Variants in DNAH6 observed in about 807,000 individuals in gnomAD.
The protein encoded by DNAH6 is dynein axonemal heavy chain 6.
In DNAH6, 340 loss-of-function variants were observed where a neutral mutation model predicts 491.4. The observed-to-expected ratio is 0.69, with a 90% CI of 0.63 to 0.76. DNAH6 has a LOEUF of 0.76. Ranked by LOEUF, DNAH6 falls within the 30% of genes least tolerant of loss-of-function variation. The pLI is 0.00. For synonymous variants in DNAH6, 1,603 were observed against 1,686.1 expected (o/e 0.95, Z 1.21); for missense variants, 4,443 against 4,972.2 (o/e 0.89, Z 3.20).
At chr2:84,599,452 A>T (rs1385526062) in intron 18 of DNAH6, among the ~76,000 whole-genome samples, 6 of 152,212 alleles carry the variant, frequency 3.9e-5, no homozygotes, top group South Asian at 2.1e-4. Context: ...TTAGAAGTTT[A>T]AAGGTTTTGT....
rs542988535 is a variant in DNAH6 at position 84,647,877 on chromosome 2, G to A, written c.5079-5442G>A. Among the ~76,000 whole-genome samples, 7 of 152,296 alleles carry A rather than the reference G, an allele frequency of 4.6e-5. No individual in the cohort carries two copies. The South Asian group carries it at 1.5e-3, about 32-fold the overall frequency. On this transcript the variant is annotated intron_variant, in intron 33 of 76. Transcript: ENST00000389394. ...ATAGTAGTTCTTGATCACTGAAAAT[G>A]TCAAATCCTAGAAAGCATAACATTC...
chr2:84,560,351 TA>T (rs771857568), intron 11 of DNAH6, among the ~76,000 whole-genome samples: 21 of 150,510 alleles, frequency 1.4e-4, no homozygotes, highest in Non-Finnish European at 2.2e-4. Flanking sequence ...GAGGAGCATT[TA>T]AAAAAAAACT....
At chr2:84,600,997 A>G (rs1685155434) in intron 18 of DNAH6, among the ~76,000 whole-genome samples, 1 of 147,266 alleles carries the variant, frequency 6.8e-6, no homozygotes, top group African/African-American at 2.5e-5. Flanking sequence ...TAATAATAAT[A>G]ATATACTATA....
chr2:84,709,301 G>A, intron 54 of DNAH6, 42 bp from the exon 55 acceptor site: 2 of 1,545,518 alleles, frequency 1.3e-6, no homozygotes, highest in Non-Finnish European at 1.8e-6. Flanking sequence ...CGTTTACTGA[G>A]TGTTCCTGAC....
chr2:84,635,871 C>T (rs114991172), intron 30 of DNAH6, among the ~76,000 whole-genome samples: 4,361 of 152,224 alleles, frequency 0.029, 227 homozygotes, highest in African/African-American at 0.099. Flanking sequence ...TGGCACATCA[C>T]CTTACTCCAT....
At chr2:84,479,306 G>A in the DNAH6 span, among the ~76,000 whole-genome samples, 21 of 152,148 alleles carry the variant, frequency 1.4e-4, no homozygotes, top group Admixed American at 9.8e-4. Flanking sequence ...GGCCCTTGCC[G>A]GGAACCTTTT....
At position 84,685,396 on chromosome 2, in the gene DNAH6, C is replaced by T. The variant is rs1558907540; in HGVS notation, c.6987C>T (p.Cys2329=). ...TATTTAGACTCTTTTGCCATGAGTGCCAAAGGGTCTTCCATGATCGCTTGA... is the reference window on the plus strand; with the variant it reads ...TATTTAGACTCTTTTGCCATGAGTGTCAAAGGGTCTTCCATGATCGCTTGA... ...IQIFRLFCHE[C]QRVFHDRLIN... The change falls in exon 43 of 77, where the codon TGC becomes TGT. Residue 2329 remains cysteine, a synonymous_variant. Transcript: ENST00000389394. The T allele has an allele frequency of 1.3e-6, 2 of 1,529,806 alleles. No homozygotes were observed. The highest frequency in any genetic ancestry group is 1.2e-5 in the South Asian group (1 of 80,146). The allele number at this position is 1,529,806 out of a possible 1,614,324, so 94.8% of individuals were successfully genotyped here.
At chr2:84,728,572 T>G (rs911311138) in intron 61 of DNAH6, among the ~76,000 whole-genome samples, 2 of 152,220 alleles carry the variant, frequency 1.3e-5, no homozygotes, top group Non-Finnish European at 2.9e-5. Context: ...CTGAACCTCT[T>G]ACAAATGTAA....
rs1337425175 is a variant in DNAH6 at position 84,577,337 on chromosome 2, G to A, written c.2005G>A (p.Val669Ile). Residue 669 changes from valine (V) to isoleucine (I), a missense_variant, in exon 13 of 77, where the codon GTA becomes ATA. By Grantham distance (29) the Val-to-Ile change is conservative (BLOSUM62 3). Around this residue, in one of 3 missense-constraint regions of DNAH6, gnomAD observed 2,977 missense variants for 3,296.6 expected, o/e 0.90. Coordinates refer to ENST00000389394, the MANE Select transcript of DNAH6 (RefSeq NM_001370.2). Reference sequence around the variant, plus strand: ...AGTAGCGCTCAGACCCACCAGAAATGTAGGATTGCTGCTCATTGATACTAG... The same window carrying A: ...AGTAGCGCTCAGACCCACCAGAAATATAGGATTGCTGCTCATTGATACTAG... ...DAVALRPTRN[V>I]GLLLIDTRLL... 1.4e-5 allele frequency: 23 copies of A among 1,612,302 alleles called. No individual in the cohort carries two copies. The highest frequency in any genetic ancestry group is 2.0e-5 in the Non-Finnish European group (23 of 1,179,102).
intron 66 of DNAH6, among the ~76,000 whole-genome samples, chr2:84,785,313 C>G (rs542802810): frequency 6.6e-6 from 1 of 152,306 alleles, no homozygotes; most frequent in Non-Finnish European, 1.5e-5. Context: ...TGAGGAAACC[C>G]TGAGCATGCT....
intron 46 of DNAH6, among the ~76,000 whole-genome samples, chr2:84,694,815 T>G (rs1695221825): frequency 6.6e-6 from 1 of 152,180 alleles, no homozygotes; most frequent in Non-Finnish European, 1.5e-5. Flanking sequence ...TAGGGAAACA[T>G]GACTTTACCT....
rs530413321 is a variant in DNAH6, at chr2:84,656,017, A to G, written c.5757+1235A>G. Among the ~76,000 whole-genome samples the G allele has an allele frequency of 4.6e-5, 7 of 152,146 alleles. No individual in the cohort carries two copies. The South Asian group carries it at 1.2e-3, about 27-fold the overall frequency. ...ATCTTTTTACTATCTCTGTAGTTCTACCTTTTCTAGAATGTTATACAGTTG... is the reference window on the plus strand; with the variant it reads ...ATCTTTTTACTATCTCTGTAGTTCTGCCTTTTCTAGAATGTTATACAGTTG... On this transcript the variant is annotated intron_variant, in intron 35 of 76. Coordinates refer to ENST00000389394, the MANE Select transcript of DNAH6 (RefSeq NM_001370.2).
At chr2:84,611,233 A>C (rs1175134770) in intron 21 of DNAH6, among the ~76,000 whole-genome samples, 2 of 143,676 alleles carry the variant, frequency 1.4e-5, no homozygotes, top group Non-Finnish European at 3.0e-5. Flanking sequence ...GGTTTTTTAA[A>C]AAAATTTTCT....
At chr2:84,648,753 C>T (rs993344638) in intron 33 of DNAH6, among the ~76,000 whole-genome samples, 1 of 152,140 alleles carries the variant, frequency 6.6e-6, no homozygotes, top group African/African-American at 2.4e-5. Context: ...GGGATCTATT[C>T]CTGGTGAAGA....
At chr2:84,632,317 A>G (rs1286681788) in intron 29 of DNAH6, among the ~76,000 whole-genome samples, 2 of 152,116 alleles carry the variant, frequency 1.3e-5, no homozygotes, top group East Asian at 3.9e-4. Flanking sequence ...CGCGTTCACC[A>G]AGTCACCAGC....
intron 37 of DNAH6, among the ~76,000 whole-genome samples, chr2:84,661,012 G>A (rs1411517354): frequency 2.0e-5 from 3 of 152,064 alleles, no homozygotes; most frequent in Non-Finnish European, 2.9e-5. Flanking sequence ...AATATAGAAT[G>A]TAAATTAAAT....
intron 10 of DNAH6, 104 bp downstream of exon 10, chr2:84,553,138 A>T: frequency 1.6e-6 from 1 of 643,868 alleles, no homozygotes. Flanking sequence ...TCACCACTCC[A>T]AGATGATCAT....
intron 13 of DNAH6, among the ~76,000 whole-genome samples, chr2:84,578,205 T>A (rs1350396730): frequency 6.6e-6 from 1 of 152,142 alleles, no homozygotes; most frequent in African/African-American, 2.4e-5. Flanking sequence ...TGCTAGTATT[T>A]TCTGTTATTA....
At chr2:84,627,888 C>T (rs1688026830) in intron 29 of DNAH6, among the ~76,000 whole-genome samples, 1 of 151,940 alleles carries the variant, frequency 6.6e-6, no homozygotes, top group African/African-American at 2.4e-5. Flanking sequence ...ATATTTTAAG[C>T]AACAATAAAA....
Sources: allele counts gnomAD v4.1 joint callset (sites outside exome capture counted in the v4.1 genomes callset), GRCh38; gene constraint gnomAD v4.1.1; regional missense constraint gnomAD v4.1.1; transcripts MANE v1.5; gene names NCBI Gene and HGNC (gene_info 2026-07-23, HGNC 2026-07-21).